Variants in GRID2 observed in about 807,000 individuals in gnomAD.
The protein encoded by GRID2 is glutamate receptor ionotropic, delta-2.
Under a neutral mutation model 114.8 loss-of-function variants are expected in GRID2, and 33 were observed. The observed-to-expected ratio is 0.29, with a 90% CI of 0.22 to 0.38. The LOEUF (loss-of-function observed/expected upper bound fraction) is 0.38. Ranked by LOEUF, GRID2 falls within the 10% of genes least tolerant of loss-of-function variation. GRID2 has a pLI of 1.00. For synonymous variants in GRID2, 505 were observed against 449.9 expected, an observed-to-expected ratio of 1.12 and a Z score of -1.55; for missense variants, 1,184 against 1,257.7, an observed-to-expected ratio of 0.94 and a Z score of 0.89.
chr4:92,677,710 A>C (rs1327781154), intron 2 of GRID2, among the ~76,000 whole-genome samples: 1 of 151,968 alleles, frequency 6.6e-6, no homozygotes, highest in African/African-American at 2.4e-5. Context: ...CGTACAAGAA[A>C]ATTTACAGGT....
At chr4:93,652,548 T>C (rs1297209379) in intron 14 of GRID2, among the ~76,000 whole-genome samples, 1 of 152,024 alleles carries the variant, frequency 6.6e-6, no homozygotes, top group East Asian at 1.9e-4. Context: ...AGCAATAGGC[T>C]ATATCATATA....
intron 4 of GRID2, among the ~76,000 whole-genome samples, chr4:93,201,443 G>C (rs1742096914): frequency 6.6e-6 from 1 of 152,170 alleles, no homozygotes; most frequent in Non-Finnish European, 1.5e-5. Context: ...GTATCTGCTG[G>C]TGTCCTCTGC....
At chr4:93,501,767 CTT>C (rs1016331046) in intron 12 of GRID2, among the ~76,000 whole-genome samples, 3 of 152,052 alleles carry the variant, frequency 2.0e-5, no homozygotes, top group Non-Finnish European at 4.4e-5. Context: ...AGGACAAAAA[CTT>C]TACCAATTTT....
At chr4:93,296,406 G>C (rs183721725) in intron 8 of GRID2, among the ~76,000 whole-genome samples, 83 of 150,012 alleles carry the variant, frequency 5.5e-4, no homozygotes, top group African/African-American at 1.7e-3. Flanking sequence ...GGTTCCACAT[G>C]GTATCTCTAG....
intron 2 of GRID2, among the ~76,000 whole-genome samples, chr4:92,609,135 C>G (rs552843368): frequency 4.0e-5 from 6 of 151,854 alleles, no homozygotes; most frequent in Non-Finnish European, 1.5e-5. Context: ...GTTCTTCACA[C>G]ACAGCTTGAA....
chr4:92,675,551 A>ATTTT (rs576488084), intron 2 of GRID2, among the ~76,000 whole-genome samples: 1 of 133,012 alleles, frequency 7.5e-6, no homozygotes. Flanking sequence ...TTGGGCTACA[A>ATTTT]TTTTTTTTTT....
intron 10 of GRID2, among the ~76,000 whole-genome samples, chr4:93,434,850 C>T (rs923595419): frequency 6.6e-6 from 1 of 152,196 alleles, no homozygotes; most frequent in African/African-American, 2.4e-5. Context: ...CTCCCTCTGT[C>T]ACCATGCTCC....
intron 2 of GRID2, among the ~76,000 whole-genome samples, chr4:92,981,706 C>T (rs1328272000): frequency 1.3e-5 from 2 of 151,684 alleles, no homozygotes; most frequent in African/African-American, 4.8e-5. Flanking sequence ...TTGATGATTC[C>T]CAACAGTTCT....
At chr4:92,597,869 T>G (rs538652580) in intron 2 of GRID2, among the ~76,000 whole-genome samples, 1 of 152,172 alleles carries the variant, frequency 6.6e-6, no homozygotes, top group Non-Finnish European at 1.5e-5. Flanking sequence ...AGTCATAAAA[T>G]AATTTAAGTT....
At chr4:93,629,579 T>G (rs1447418842) in intron 14 of GRID2, among the ~76,000 whole-genome samples, 1 of 152,158 alleles carries the variant, frequency 6.6e-6, no homozygotes, top group Admixed American at 6.5e-5. Flanking sequence ...ATTTAACCAT[T>G]TTAGTACACT....
chr4:92,534,183 G>A (rs892675982), intron 1 of GRID2, among the ~76,000 whole-genome samples: 8 of 152,022 alleles, frequency 5.3e-5, no homozygotes, highest in South Asian at 4.2e-4. Context: ...AGGATCCAGC[G>A]TTTGATCTAA....
At chr4:92,847,508 G>T (rs1311681606) in intron 2 of GRID2, among the ~76,000 whole-genome samples, 2 of 151,856 alleles carry the variant, frequency 1.3e-5, no homozygotes, top group African/African-American at 4.8e-5. Flanking sequence ...CTCCTAGGCT[G>T]CATTTGTGCC....
At chr4:92,478,623 A>G (rs984031382) in intron 1 of GRID2, among the ~76,000 whole-genome samples, 4 of 152,154 alleles carry the variant, frequency 2.6e-5, no homozygotes, top group Non-Finnish European at 4.4e-5. Context: ...CTTAATTGCC[A>G]AAGCAAAAGT....
chr4:93,319,569 A>G (rs1757011608), intron 8 of GRID2: 1 of 152,096 alleles, frequency 6.6e-6, no homozygotes, highest in Admixed American at 6.6e-5. Context: ...ACTTTAAAAT[A>G]GGAAGATCAC....
chr4:93,388,038 A>G (rs2149318726), intron 8 of GRID2, among the ~76,000 whole-genome samples: 1 of 152,232 alleles, frequency 6.6e-6, no homozygotes, highest in East Asian at 1.9e-4. Context: ...TTGCTGCAAT[A>G]AATATTATCA....
chr4:92,526,541 A>G (rs62307815), intron 1 of GRID2, among the ~76,000 whole-genome samples: 42,297 of 151,912 alleles, frequency 0.28, 6,821 homozygotes, highest in Non-Finnish European at 0.36. Context: ...CCAGGGTTTC[A>G]CCATGTTGGC....
chr4:92,656,163 A>T, intron 2 of GRID2, among the ~76,000 whole-genome samples: 1 of 151,796 alleles, frequency 6.6e-6, no homozygotes, highest in East Asian at 1.9e-4. Flanking sequence ...GCAAGAGTAT[A>T]CAAGGGTTTC....
At chr4:92,444,321 G>A (rs562356752) in intron 1 of GRID2, among the ~76,000 whole-genome samples, 16 of 152,092 alleles carry the variant, frequency 1.1e-4, no homozygotes, top group Non-Finnish European at 1.5e-4. Context: ...AGGGAGATAA[G>A]GGTGGGGCCG....
Position 93,423,071 on chromosome 4 carries a change from T to C in GRID2, c.1545+103T>C, listed in dbSNP as rs1768461803. ...ACCTTGAAGCTGATTTCATATAAAA[T>C]AAGTGTGATGTATTTAGGTTGGTTA... On this transcript the variant is annotated intron_variant, in intron 10 of 15. Coordinates refer to ENST00000282020, the MANE Select transcript of GRID2 (RefSeq NM_001510.4). The C allele has an allele frequency of 7.8e-6, 6 of 773,680 alleles. No homozygotes were observed. In the Admixed American group the frequency reaches 1.4e-4, roughly 18 times the overall value. The allele number at this position is 773,680 out of a possible 1,614,324, so 47.9% of individuals were successfully genotyped here.
Sources: gnomAD v4.1 joint callset for allele counts (sites outside exome capture counted in the v4.1 genomes callset) on GRCh38, gnomAD v4.1.1 for gene constraint, MANE v1.5 for transcripts, NCBI Gene and HGNC (gene_info 2026-07-23, HGNC 2026-07-21) for gene names.